SV2B: variants seen among roughly 807,000 people sequenced by gnomAD.
SV2B encodes the protein solute carrier family 22 member B2.
Under a neutral mutation model 73.9 loss-of-function variants are expected in SV2B, and 41 were observed. The observed-to-expected ratio is 0.56, with a 90% CI of 0.43 to 0.72. SV2B has a LOEUF of 0.72. Among genes scored for constraint, SV2B ranks in the 30% least tolerant of loss-of-function variants. The pLI, the probability that SV2B is intolerant of heterozygous loss-of-function variation, is 0.00. For synonymous variants in SV2B, 314 were observed against 314.2 expected (o/e 1.00, Z 0.01); for missense variants, 764 against 857.8 (o/e 0.89, Z 1.37).
At position 91,241,612 on chromosome 15, in the gene SV2B, C is replaced by T. The variant is rs953035905; in HGVS notation, c.452-10207C>T. On this transcript the variant is annotated intron_variant, in intron 2 of 12. Transcript: ENST00000394232. The surrounding 1 kb of genome is among the most constrained non-coding windows in gnomAD (Gnocchi z 4.8). ...CTGAACTGAGAACAACAGAAGTAAC[C>T]GGAGAAGAACTTCTATAGCCCCTGT... is the stretch of plus-strand genomic sequence containing the variant. 3.9e-5 allele frequency among the ~76,000 whole-genome samples: 6 copies of T among 152,082 alleles called. No individual in the cohort carries two copies. Among genetic ancestry groups the T allele is most frequent in the African/African-American group, 9.7e-5 (4 of 41,402 alleles).
At chr15:91,228,641 A>T (rs2046462307) in intron 2 of SV2B, among the ~76,000 whole-genome samples, 1 of 152,232 alleles carries the variant, frequency 6.6e-6, no homozygotes, top group Non-Finnish European at 1.5e-5. Context: ...GCTGGCTCCT[A>T]GGGCAAATGC....
At chr15:91,189,763 TG>T (rs1372913503) in intron 1 of SV2B, among the ~76,000 whole-genome samples, 1 of 152,198 alleles carries the variant, frequency 6.6e-6, no homozygotes, top group Non-Finnish European at 1.5e-5. Flanking sequence ...CCGAGGCGGA[TG>T]GATCACGAGG....
intron 4 of SV2B, among the ~76,000 whole-genome samples, chr15:91,255,794 A>G (rs2269795): frequency 0.45 from 68,375 of 152,026 alleles, 18,155 homozygotes; most frequent in African/African-American, 0.74. Flanking sequence ...AATATGGTAG[A>G]CTAGAATCAC....
At chr15:91,249,707 T>A (rs1209637294) in intron 2 of SV2B, among the ~76,000 whole-genome samples, 1 of 152,150 alleles carries the variant, frequency 6.6e-6, no homozygotes, top group Non-Finnish European at 1.5e-5. Flanking sequence ...CACAGAAATA[T>A]GAAGGATCAC....
At chr15:91,215,204 T>A (rs557317306) in intron 1 of SV2B, among the ~76,000 whole-genome samples, 1 of 152,298 alleles carries the variant, frequency 6.6e-6, no homozygotes, top group Admixed American at 6.5e-5. Context: ...GCTAATTAAC[T>A]CTCTGAAGGC....
Position 91,283,937 on chromosome 15 carries a change from G to A in SV2B, c.1508-84G>A, listed in dbSNP as rs760918212. The A allele has an allele frequency of 1.4e-6, 2 of 1,411,294 alleles. No homozygotes were observed. The highest frequency in any genetic ancestry group is 2.0e-6 in the Non-Finnish European group (2 of 1,006,266). The allele number at this position is 1,411,294 out of a possible 1,614,324, so 87.4% of individuals were successfully genotyped here. A position where few individuals can be genotyped will look rare whatever the true frequency, so the allele number is the denominator to read the frequency against. ...GGCTGGCACAGCCTGCCTACAGGAG[G>A]GGGCAGACTTCATCCCTGCCTCTGC... is the stretch of plus-strand genomic sequence containing the variant. On this transcript the variant is annotated intron_variant, in intron 10 of 12. Coordinates refer to ENST00000394232, the MANE Select transcript of SV2B (RefSeq NM_001323032.3). This position sits in a 1 kb window ranked among gnomAD's most constrained non-coding sequence, Gnocchi z 4.3.
chr15:91,228,561 C>T (rs2046459607), intron 2 of SV2B, among the ~76,000 whole-genome samples: 1 of 152,180 alleles, frequency 6.6e-6, no homozygotes. Flanking sequence ...ATTTCATGGC[C>T]TGCTGGTCTC....
In SV2B at chr15:91,293,216, A is replaced by G. The variant is rs1386223589; in HGVS notation, c.*664A>G. On this transcript the variant is annotated 3_prime_UTR_variant, in exon 13 of 13. Transcript: ENST00000394232. ...TATTTATTTCTGTTTTGCTCTATTC[A>G]AAGAAACGGAATGGGATAGTTATTC... 1 of 152,222 alleles carries G rather than the reference A, an allele frequency of 6.6e-6. No individual in the cohort carries two copies. Among genetic ancestry groups the G allele is most frequent in the Non-Finnish European group, 1.5e-5 (1 of 68,032 alleles). The allele number at this position is 152,222 out of a possible 1,614,324, so 9.4% of individuals were successfully genotyped here. A position where few individuals can be genotyped will look rare whatever the true frequency, so the allele number is the denominator to read the frequency against.
intron 1 of SV2B, among the ~76,000 whole-genome samples, chr15:91,177,323 C>A (rs1028446496): frequency 2.6e-5 from 4 of 151,632 alleles, no homozygotes; most frequent in Non-Finnish European, 5.9e-5. Flanking sequence ...AGTCAGGGAG[C>A]GTGATGCCTC....
intron 2 of SV2B, among the ~76,000 whole-genome samples, chr15:91,243,605 G>T (rs2047108514): frequency 6.6e-6 from 1 of 152,146 alleles, no homozygotes; most frequent in Admixed American, 6.5e-5. Flanking sequence ...GGAACCTGGG[G>T]TCTGGGTCTC....
At chr15:91,209,566 G>C (rs1301900987) in intron 1 of SV2B, among the ~76,000 whole-genome samples, 2 of 152,226 alleles carry the variant, frequency 1.3e-5, no homozygotes, top group African/African-American at 4.8e-5. Flanking sequence ...CACACTATTA[G>C]CTGAGCTTGT....
chr15:91,213,832 C>A (rs989317400), intron 1 of SV2B, among the ~76,000 whole-genome samples: 1 of 152,106 alleles, frequency 6.6e-6, no homozygotes, highest in African/African-American at 2.4e-5. Flanking sequence ...AGGCTCTGAA[C>A]CTGAGTCTTG....
intron 1 of SV2B, among the ~76,000 whole-genome samples, chr15:91,101,516 C>T (rs2041723582): frequency 2.0e-5 from 3 of 152,036 alleles, no homozygotes; most frequent in African/African-American, 7.3e-5. Flanking sequence ...GAGGTTCACA[C>T]CTGGTAGGGG....
intron 4 of SV2B, among the ~76,000 whole-genome samples, chr15:91,256,172 C>T (rs994451607): frequency 1.3e-5 from 2 of 152,142 alleles, no homozygotes; most frequent in African/African-American, 4.8e-5. Flanking sequence ...GAAATCCTGA[C>T]AGAGAAAAGT....
intron 4 of SV2B, among the ~76,000 whole-genome samples, chr15:91,257,028 A>G (rs1383459288): frequency 6.6e-6 from 1 of 152,242 alleles, no homozygotes. Flanking sequence ...ATTTATTTAC[A>G]TAGTCTTGTC....
chr15:91,274,791 A>G (rs894085641), intron 9 of SV2B, among the ~76,000 whole-genome samples: 2 of 152,180 alleles, frequency 1.3e-5, no homozygotes, highest in Admixed American at 1.3e-4. Context: ...CTTAGAAATA[A>G]AAATGTGTTA....
chr15:91,184,171 C>T (rs909068905), intron 1 of SV2B, among the ~76,000 whole-genome samples: 7 of 152,060 alleles, frequency 4.6e-5, no homozygotes, highest in Admixed American at 1.3e-4. Flanking sequence ...CACAAAGTCC[C>T]GTTAAATAGA....
chr15:91,204,214 G>A (rs372895070), intron 1 of SV2B, among the ~76,000 whole-genome samples: 5 of 152,252 alleles, frequency 3.3e-5, no homozygotes, highest in African/African-American at 1.2e-4. Context: ...GAGCATCTCT[G>A]TTAGCCACAG....
intron 1 of SV2B, among the ~76,000 whole-genome samples, chr15:91,186,611 A>G (rs1462101285): frequency 1.3e-5 from 2 of 152,252 alleles, no homozygotes; most frequent in Non-Finnish European, 2.9e-5. Context: ...AAAAGATCCT[A>G]GGTGCTTAAT....
Sources: allele counts gnomAD v4.1 joint callset (sites outside exome capture counted in the v4.1 genomes callset), GRCh38; gene constraint gnomAD v4.1.1; non-coding constraint Gnocchi (gnomAD v3.1); transcripts MANE v1.5; gene names NCBI Gene and HGNC (gene_info 2026-07-23, HGNC 2026-07-21).